Variants in MSI2 observed in about 807,000 individuals in gnomAD.
The protein encoded by MSI2 is RNA-binding protein Musashi homolog 2.
A neutral mutation model predicts 45.6 loss-of-function variants in MSI2; 17 were observed. The ratio of observed to expected loss-of-function variants is 0.37; its 90% CI spans 0.26 to 0.56. The LOEUF is 0.56. Ranked by LOEUF, MSI2 falls within the 20% of genes least tolerant of loss-of-function variation. The pLI is 0.77. For missense variants in MSI2, 293 were observed against 444.2 expected (o/e 0.66, Z 3.06); for synonymous variants, 156 against 158.2 (o/e 0.99, Z 0.11).
At chr17:57,375,946 C>CGACA (rs2083489098) in intron 5 of MSI2, among the ~76,000 whole-genome samples, 1 of 152,198 alleles carries the variant, frequency 6.6e-6, no homozygotes, top group African/African-American at 2.4e-5. Flanking sequence ...CTGAGTCAGC[C>CGACA]TGTCCCGCCT....
rs1905222239 is a variant in MSI2 at position 57,596,068 on chromosome 17, A to T, written c.455-800A>T. ...GCATGGGGCCATGTGGTAAAGCAGC[A>T]CTTACTGAGTGGGGTCACAGATGGG... is the stretch of plus-strand genomic sequence containing the variant. On this transcript the variant is annotated intron_variant, in intron 7 of 13. Coordinates refer to ENST00000284073, the MANE Select transcript of MSI2 (RefSeq NM_138962.4). This position sits in a 1 kb window ranked among gnomAD's most constrained non-coding sequence, Gnocchi z 4.6. 6.6e-6 allele frequency among the ~76,000 whole-genome samples: 1 copy of T among 152,216 alleles called. No individual in the cohort carries two copies. Among genetic ancestry groups the T allele is most frequent in the Non-Finnish European group, 1.5e-5 (1 of 68,040 alleles).
rs1469226206 is a variant in MSI2, at chr17:57,652,256, C to G, written c.790+95C>G. 45 of 1,245,364 alleles carry G rather than the reference C, an allele frequency of 3.6e-5. No individual in the cohort carries two copies. The highest frequency in any genetic ancestry group is 3.5e-6 in the Non-Finnish European group (3 of 858,582). 77.1% of individuals were successfully genotyped at this position (1,245,364 alleles called of 1,614,324 possible). A position where few individuals can be genotyped will look rare whatever the true frequency, so the allele number is the denominator to read the frequency against. On this transcript the variant is annotated intron_variant, in intron 11 of 13. Coordinates refer to ENST00000284073, the MANE Select transcript of MSI2 (RefSeq NM_138962.4). The surrounding 1 kb of genome is among the most constrained non-coding windows in gnomAD (Gnocchi z 4.1). ...TCGGATCTGTGTGGCTGCATCTGTC[C>G]AACACCACTCTCACCACAGCCCCGG...
intron 6 of MSI2, among the ~76,000 whole-genome samples, chr17:57,468,849 C>G (rs2085381159): frequency 6.6e-6 from 1 of 151,992 alleles, no homozygotes; most frequent in African/African-American, 2.4e-5. Flanking sequence ...GTAGGGGGCC[C>G]GAGAGGAGTC....
chr17:57,441,092 G>T (rs1052088172), intron 6 of MSI2, among the ~76,000 whole-genome samples: 1 of 152,172 alleles, frequency 6.6e-6, no homozygotes, highest in East Asian at 1.9e-4. Flanking sequence ...AGGCAGTGAC[G>T]CTGGTAACCC....
chr17:57,408,434 G>A (rs2084125573), intron 6 of MSI2, among the ~76,000 whole-genome samples: 1 of 152,220 alleles, frequency 6.6e-6, no homozygotes, highest in Non-Finnish European at 1.5e-5. Flanking sequence ...AGAGGAACAA[G>A]GCCGAATAGA....
chr17:57,276,754 G>A (rs1337187430), intron 5 of MSI2, among the ~76,000 whole-genome samples: 2 of 152,116 alleles, frequency 1.3e-5, no homozygotes, highest in African/African-American at 2.4e-5. Flanking sequence ...TCATTTCCTT[G>A]GTTTCCAAAT....
intron 6 of MSI2, among the ~76,000 whole-genome samples, chr17:57,440,192 G>A (rs1429505631): frequency 6.6e-6 from 1 of 152,152 alleles, no homozygotes; most frequent in African/African-American, 2.4e-5. Context: ...AGCGATGGGT[G>A]CCCTGTGCTC....
the MSI2 span, among the ~76,000 whole-genome samples, chr17:57,698,464 C>G: frequency 6.6e-6 from 1 of 152,206 alleles, no homozygotes; most frequent in African/African-American, 2.4e-5. Flanking sequence ...TCTGCCTTTC[C>G]TCAGCTCCCA....
chr17:57,677,098 G>T, intron 13 of MSI2, 39 bp downstream of exon 13: 1 of 1,421,950 alleles, frequency 7.0e-7, no homozygotes, highest in South Asian at 1.1e-5. Flanking sequence ...CCCTGCCGGT[G>T]TGTCCGTACA....
chr17:57,486,053 C>T (rs756962402), intron 6 of MSI2, among the ~76,000 whole-genome samples: 2 of 152,208 alleles, frequency 1.3e-5, no homozygotes, highest in Non-Finnish European at 2.9e-5. Context: ...CAGTCACCTC[C>T]CAAGGATACA....
At chr17:57,258,528 C>A (rs771195389) in intron 4 of MSI2, among the ~76,000 whole-genome samples, 174 bp downstream of exon 4, 1 of 152,150 alleles carries the variant, frequency 6.6e-6, no homozygotes, top group Non-Finnish European at 1.5e-5. Flanking sequence ...TTGGGGTTTT[C>A]TTTTTAGAGC....
chr17:57,329,514 C>T lies in MSI2; in HGVS notation c.312+67322C>T, dbSNP rs555347775. Among the ~76,000 whole-genome samples, 41 of 152,202 alleles carry T rather than the reference C, an allele frequency of 2.7e-4. 1 individual carries two copies. The highest frequency in any genetic ancestry group is 6.8e-3 in the Middle Eastern group (2 of 294). On this transcript the variant is annotated intron_variant, in intron 5 of 13. Coordinates refer to ENST00000284073, the MANE Select transcript of MSI2 (RefSeq NM_138962.4). ...AGCTCAGAAATGTGTAATTTCTTAC[C>T]CCTCTGGGTGGGCCAGAAACTCATA... is the stretch of plus-strand genomic sequence containing the variant.
chr17:57,558,942 A>G (rs1291238032), intron 7 of MSI2, among the ~76,000 whole-genome samples: 1 of 152,170 alleles, frequency 6.6e-6, no homozygotes, highest in Non-Finnish European at 1.5e-5. Context: ...GGGAGCCTGT[A>G]ACCCCACTAC....
intron 6 of MSI2, chr17:57,444,847 T>C (rs1402924141): frequency 6.6e-6 from 1 of 152,248 alleles, no homozygotes; most frequent in African/African-American, 2.4e-5. Context: ...ATTAAGCCTC[T>C]CTGCCTGCTC....
chr17:57,530,485 C>T (rs1323083257), intron 7 of MSI2, among the ~76,000 whole-genome samples: 2 of 152,134 alleles, frequency 1.3e-5, no homozygotes, highest in Non-Finnish European at 2.9e-5. Context: ...TAGAAAAGTC[C>T]TCCCTGGAGG....
At chr17:57,368,287 TGCACTTTGGGAGGCTCCCA>T (rs775039555) in intron 5 of MSI2, among the ~76,000 whole-genome samples, 4 of 152,140 alleles carry the variant, frequency 2.6e-5, no homozygotes, top group African/African-American at 4.8e-5. Context: ...TGGTGGCTCA[TGCACTTTGGGAGGCTCCCA>T]GCACTTTGGG....
At chr17:57,327,704 T>A (rs1416559619) in intron 5 of MSI2, among the ~76,000 whole-genome samples, 1 of 152,192 alleles carries the variant, frequency 6.6e-6, no homozygotes, top group Non-Finnish European at 1.5e-5. Context: ...CACAATCTTG[T>A]CGCAAAAACC....
intron 6 of MSI2, among the ~76,000 whole-genome samples, chr17:57,420,293 C>T (rs557598899): frequency 2.6e-5 from 4 of 152,300 alleles, no homozygotes; most frequent in African/African-American, 9.6e-5. Context: ...GACTGACGTT[C>T]GGGGCAGTCT....
chr17:57,426,357 T>C (rs539048683), intron 6 of MSI2, among the ~76,000 whole-genome samples: 1 of 152,372 alleles, frequency 6.6e-6, no homozygotes, highest in South Asian at 2.1e-4. Flanking sequence ...ATTTAAATTT[T>C]GCATTGCTCT....
Sources: allele counts gnomAD v4.1 joint callset (sites outside exome capture counted in the v4.1 genomes callset), GRCh38; gene constraint gnomAD v4.1.1; non-coding constraint Gnocchi (gnomAD v3.1); transcripts MANE v1.5; gene names NCBI Gene and HGNC (gene_info 2026-07-23, HGNC 2026-07-21).